The following SLC9C2 variants were observed in gnomAD, a reference collection of about 807,000 sequenced individuals.
SLC9C2 encodes sodium/hydrogen exchanger 11.
SLC9C2 carries 75 observed loss-of-function variants against 140.2 expected under a neutral mutation model. The ratio of observed to expected loss-of-function variants is 0.53; its 90% CI spans 0.44 to 0.65. SLC9C2 has a LOEUF of 0.65. Ranked by LOEUF, SLC9C2 falls within the 30% of genes least tolerant of loss-of-function variation. The pLI, the probability that SLC9C2 is intolerant of heterozygous loss-of-function variation, is 0.00. For missense variants in SLC9C2, 1,074 were observed against 1,331.8 expected, an observed-to-expected ratio of 0.81 and a Z score of 3.01; for synonymous variants, 375 against 420.9, an observed-to-expected ratio of 0.89 and a Z score of 1.34.
Position 173,503,431 on chromosome 1 carries a change from T to C in SLC9C2, c.3311-105A>G, listed in dbSNP as rs941560749. On this transcript the variant is annotated intron_variant, in intron 26 of 27. Transcript: ENST00000367714. Reference sequence around the variant, plus strand: ...TCTATTTGCTTTCTCCCTATAAGTTTCCCTTTTCCCTTCCCCCTCTCAAAT... The same window carrying C: ...TCTATTTGCTTTCTCCCTATAAGTTCCCCTTTTCCCTTCCCCCTCTCAAAT... 2.0e-5 allele frequency: 20 copies of C among 999,896 alleles called. No homozygotes were observed. The African/African-American group carries it at 3.2e-4, about 16-fold the overall frequency. 61.9% of individuals were successfully genotyped at this position (999,896 alleles called of 1,614,324 possible).
intron 18 of SLC9C2, among the ~76,000 whole-genome samples, chr1:173,528,302 G>A (rs1661348348): frequency 6.6e-6 from 1 of 152,072 alleles, no homozygotes; most frequent in Non-Finnish European, 1.5e-5. Context: ...TGTCACAGGG[G>A]ATTCACTTCA....
intron 13 of SLC9C2, among the ~76,000 whole-genome samples, chr1:173,541,727 A>T (rs1359859050): frequency 6.6e-6 from 1 of 152,192 alleles, no homozygotes; most frequent in Non-Finnish European, 1.5e-5. Flanking sequence ...GCACAACTAC[A>T]TGGAAACTGA....
At chr1:173,582,096 T>A in intron 6 of SLC9C2, 88 bp from the exon 7 acceptor site, 3 of 1,076,532 alleles carry the variant, frequency 2.8e-6, no homozygotes, top group Non-Finnish European at 3.8e-6. Flanking sequence ...CTTTGCACTT[T>A]GGTTTGCTTG....
At chr1:173,524,224 T>A (rs1181080593) in intron 20 of SLC9C2, 130 bp from the exon 21 acceptor site, 18 of 820,348 alleles carry the variant, frequency 2.2e-5, no homozygotes, top group Admixed American at 3.3e-5. Flanking sequence ...TCACAGCTTG[T>A]CTCATCCTAT....
At chr1:173,587,639 A>C in intron 5 of SLC9C2, 26 bp downstream of exon 5, 2 of 1,582,854 alleles carry the variant, frequency 1.3e-6, no homozygotes, top group Non-Finnish European at 1.7e-6. Flanking sequence ...TTTTCAAGAT[A>C]AGAGAGAGAA....
chr1:173,569,398 C>T (rs1179673766), intron 9 of SLC9C2, among the ~76,000 whole-genome samples: 1 of 151,904 alleles, frequency 6.6e-6, no homozygotes, highest in East Asian at 1.9e-4. Context: ...TGATCTTTGG[C>T]AGTTTGATTA....
Position 173,557,551 on chromosome 1 carries a change from T to C in SLC9C2, c.1047-43A>G, listed in dbSNP as rs759767863. The C allele has an allele frequency of 5.8e-6, 9 of 1,552,064 alleles. No homozygotes were observed. In the South Asian group the frequency reaches 7.2e-5, roughly 12 times the overall value. ...TTAAAAATAAATCTCACCTTGTTTATTAATGTTATTCATAGTTGAAAGCAA... is the reference window on the plus strand; with the variant it reads ...TTAAAAATAAATCTCACCTTGTTTACTAATGTTATTCATAGTTGAAAGCAA... On this transcript the variant is annotated intron_variant, in intron 9 of 27. Transcript: ENST00000367714.
At chr1:173,575,334 A>T (rs1665106179) in intron 8 of SLC9C2, among the ~76,000 whole-genome samples, 1 of 152,100 alleles carries the variant, frequency 6.6e-6, no homozygotes, top group Non-Finnish European at 1.5e-5. Flanking sequence ...TTAAGAAAGG[A>T]TTGGTCGAAT....
At chr1:173,596,585 T>C (rs539958801) in intron 4 of SLC9C2, 27 of 152,254 alleles carry the variant, frequency 1.8e-4, no homozygotes, top group African/African-American at 6.3e-4. Context: ...GTGTCCCAAA[T>C]CTGTTCAAAT....
At chr1:173,590,602 T>C (rs1666104238) in intron 4 of SLC9C2, among the ~76,000 whole-genome samples, 1 of 152,160 alleles carries the variant, frequency 6.6e-6, no homozygotes, top group Admixed American at 6.5e-5. Context: ...ATAGAACAAG[T>C]GTAACCATAT....
At chr1:173,512,656 C>T (rs1331006600) in intron 23 of SLC9C2, among the ~76,000 whole-genome samples, 1 of 152,090 alleles carries the variant, frequency 6.6e-6, no homozygotes, top group African/African-American at 2.4e-5. Context: ...TTTATCTTTC[C>T]TGATTGCCCT....
chr1:173,567,312 C>T (rs1476207769), intron 9 of SLC9C2, among the ~76,000 whole-genome samples: 1 of 152,038 alleles, frequency 6.6e-6, no homozygotes, highest in African/African-American at 2.4e-5. Flanking sequence ...CTCTTTGGCA[C>T]TAATAATATT....
At chr1:173,522,047 T>C (rs1660864815) in intron 21 of SLC9C2, among the ~76,000 whole-genome samples, 1 of 151,686 alleles carries the variant, frequency 6.6e-6, no homozygotes, top group Non-Finnish European at 1.5e-5. Flanking sequence ...CAATACACGG[T>C]GAAACCCCGT....
intron 23 of SLC9C2, among the ~76,000 whole-genome samples, chr1:173,512,409 T>C (rs181018055): frequency 2.6e-5 from 4 of 152,248 alleles, no homozygotes; most frequent in Non-Finnish European, 4.4e-5. Context: ...ATTCTCTTTG[T>C]AGCAATTGTG....
intron 15 of SLC9C2, 82 bp downstream of exon 15, chr1:173,535,748 G>T: frequency 7.3e-7 from 1 of 1,377,448 alleles, no homozygotes; most frequent in Non-Finnish European, 9.6e-7. Context: ...CTCAAATAAG[G>T]AAAATTGAGA....
At chr1:173,548,328 AG>A in intron 12 of SLC9C2, 60 bp downstream of exon 12, 1 of 1,510,580 alleles carries the variant, frequency 6.6e-7, no homozygotes, top group South Asian at 1.3e-5. Context: ...AATAGGCTAA[AG>A]CAAGTGAGGC....
rs1553245968 is a variant in SLC9C2, at chr1:173,509,559, A to T, written c.3039+9T>A. ...TTCAATTTATTAATATTTTAATCAC[A>T]TAACTTACCTCATCAATAAGACTTG... On this transcript the variant is annotated intron_variant, in intron 24 of 27. Transcript: ENST00000367714. 6.6e-7 allele frequency: 1 copy of T among 1,513,732 alleles called. No individual in the cohort carries two copies. Among genetic ancestry groups the T allele is most frequent in the Non-Finnish European group, 8.8e-7 (1 of 1,135,016 alleles). The allele number at this position is 1,513,732 out of a possible 1,614,324, so 93.8% of individuals were successfully genotyped here.
intron 6 of SLC9C2, among the ~76,000 whole-genome samples, chr1:173,582,389 G>A (rs891779517): frequency 2.0e-5 from 3 of 152,190 alleles, no homozygotes; most frequent in African/African-American, 7.2e-5. Flanking sequence ...CAGGGTCACT[G>A]CTAACCTGCA....
chr1:173,504,176 C>T (rs1015904677), intron 26 of SLC9C2, among the ~76,000 whole-genome samples: 1 of 152,136 alleles, frequency 6.6e-6, no homozygotes, highest in African/African-American at 2.4e-5. Context: ...AAAGGTGACC[C>T]AGGAGCAGAG....
Sources: allele counts gnomAD v4.1 joint callset (sites outside exome capture counted in the v4.1 genomes callset), GRCh38; gene constraint gnomAD v4.1.1; transcripts MANE v1.5; gene names NCBI Gene and HGNC (gene_info 2026-07-23, HGNC 2026-07-21).